TLK1: variants seen among roughly 807,000 people sequenced by gnomAD.
TLK1 encodes the protein serine/threonine-protein kinase tousled-like 1.
In TLK1, 24 loss-of-function variants were observed where a neutral mutation model predicts 105.3. The observed-to-expected ratio is 0.23, with a 90% CI of 0.17 to 0.32. The LOEUF (loss-of-function observed/expected upper bound fraction) is 0.32. Ranked by LOEUF, TLK1 falls within the 10% of genes least tolerant of loss-of-function variation. The probability of loss-of-function intolerance (pLI) is 1.00; values close to 1 mark genes in which losing one functional copy is unlikely to be tolerated. For missense variants in TLK1, 558 were observed against 910.5 expected, an observed-to-expected ratio of 0.61 and a Z score of 4.98; for synonymous variants, 321 against 310.4, an observed-to-expected ratio of 1.03 and a Z score of -0.36.
chr2:171,032,704 A>T (rs1473764042), intron 11 of TLK1, among the ~76,000 whole-genome samples: 2 of 152,196 alleles, frequency 1.3e-5, no homozygotes, highest in Non-Finnish European at 2.9e-5. Flanking sequence ...CTGAATTCAG[A>T]AATAAACCCA....
At chr2:171,186,199 T>C (rs1228035442) in intron 1 of TLK1, among the ~76,000 whole-genome samples, 2 of 152,230 alleles carry the variant, frequency 1.3e-5, no homozygotes, top group Non-Finnish European at 2.9e-5. Flanking sequence ...TTGGATTATT[T>C]TGATAGGAAT....
At chr2:171,058,266 A>G (rs1382190285) in intron 4 of TLK1, 69 bp from the exon 5 acceptor site, 3 of 1,350,122 alleles carry the variant, frequency 2.2e-6, no homozygotes, top group Non-Finnish European at 3.2e-6. Context: ...AAGAGTCCGC[A>G]GGACATCAGC....
intron 1 of TLK1, among the ~76,000 whole-genome samples, chr2:171,200,481 T>C (rs78174863): frequency 0.026 from 4,028 of 152,304 alleles, 170 homozygotes; most frequent in African/African-American, 0.091. Context: ...CGCAATGTAT[T>C]GGGATCCATT....
At position 171,046,318 on chromosome 2, in the gene TLK1, T is replaced by C; in HGVS notation, c.1025A>G (p.Gln342Arg). 6.2e-7 allele frequency: 1 copy of C among 1,612,842 alleles called. No individual in the cohort carries two copies. The highest frequency in any genetic ancestry group is 8.5e-7 in the Non-Finnish European group (1 of 1,179,436). Residue 342 changes from glutamine (Q) to arginine (R), a missense_variant, in exon 11 of 21, where the codon CAA becomes CGA. Transcript: ENST00000431350. Reference protein sequence around the residue: ...VNQQREDIERQRKLLAKRKPP... With the variant: ...VNQQREDIERRRKLLAKRKPP... ...TTTGCGTTTGGCTAGAAGTTTCCTTTGCCTTTCAATATCTTCCCTTTGCTG... is the reference window on the plus strand; with the variant it reads ...TTTGCGTTTGGCTAGAAGTTTCCTTCGCCTTTCAATATCTTCCCTTTGCTG...
chr2:171,010,110 T>A (rs1684836892), intron 14 of TLK1, among the ~76,000 whole-genome samples: 1 of 152,090 alleles, frequency 6.6e-6, no homozygotes, highest in Admixed American at 6.5e-5. Flanking sequence ...GACAATCAGC[T>A]ATGAGGTTCC....
At chr2:171,183,416 G>C (rs1692963743) in intron 1 of TLK1, among the ~76,000 whole-genome samples, 1 of 151,978 alleles carries the variant, frequency 6.6e-6, no homozygotes. Flanking sequence ...AGTGAAAGAG[G>C]TTTAGCTTTC....
At chr2:171,086,518 A>G (rs1032575827) in intron 2 of TLK1, among the ~76,000 whole-genome samples, 1 of 152,024 alleles carries the variant, frequency 6.6e-6, no homozygotes, top group African/African-American at 2.4e-5. Context: ...CCCAGCTACT[A>G]GAGAGTCTGA....
chr2:171,082,005 G>A (rs1416681387), intron 3 of TLK1, among the ~76,000 whole-genome samples: 1 of 148,904 alleles, frequency 6.7e-6, no homozygotes, highest in East Asian at 1.9e-4. Flanking sequence ...AATGGATCAA[G>A]TAGAAATAAG....
Position 171,185,200 on chromosome 2 carries a change from A to G in TLK1, c.-6+45945T>C, listed in dbSNP as rs185886529. On this transcript the variant is annotated intron_variant, in intron 1 of 20. Transcript: ENST00000521943. ...TAAATGTCTTGAATCATCCCTCTCC[A>G]TTTAATCCCCATCCTTACCTCTTTA... Among the ~76,000 whole-genome samples, 6 of 152,108 alleles carry G rather than the reference A, an allele frequency of 3.9e-5. No homozygotes were observed. In the East Asian group the frequency reaches 9.7e-4, roughly 24 times the overall value.
chr2:171,199,282 G>A (rs1393384294), intron 1 of TLK1, among the ~76,000 whole-genome samples: 2 of 152,174 alleles, frequency 1.3e-5, no homozygotes, highest in Non-Finnish European at 2.9e-5. Context: ...AGGCCAAGGT[G>A]AAAGGATTGC....
intron 1 of TLK1, among the ~76,000 whole-genome samples, chr2:171,129,352 C>T (rs1013525789): frequency 1.3e-5 from 2 of 152,158 alleles, no homozygotes; most frequent in African/African-American, 2.4e-5. Flanking sequence ...CTCCACAGTA[C>T]TCCTTCTTGG....
Position 171,051,512 on chromosome 2 carries a change from G to A in TLK1, c.733-1338C>T, listed in dbSNP as rs191510200. On this transcript the variant is annotated intron_variant, in intron 8 of 20. Transcript: ENST00000431350. The stretch of plus-strand genomic sequence containing the variant: ...CTGCTTAGAACACAGATATAATTGT[G>A]ACCCTAATAGATATATTGAACCTTG... Among the ~76,000 whole-genome samples, 242 of 152,196 alleles carry A rather than the reference G, an allele frequency of 1.6e-3. 1 individual carries two copies. The highest frequency in any genetic ancestry group is 2.9e-4 in the Non-Finnish European group (20 of 68,010).
rs190637269 is a variant in TLK1, at chr2:171,188,949, A to G, written c.-6+42196T>C. Among the ~76,000 whole-genome samples, 559 of 152,136 alleles carry G rather than the reference A, an allele frequency of 3.7e-3. 6 individuals are homozygous for G. The highest frequency in any genetic ancestry group is 0.012 in the African/African-American group (517 of 41,540). Reference sequence around the variant, plus strand: ...GATACATTATCCATGGCATACAAAGACATTACAACAGACTCATTTACATCC... The same window carrying G: ...GATACATTATCCATGGCATACAAAGGCATTACAACAGACTCATTTACATCC... On this transcript the variant is annotated intron_variant, in intron 1 of 20. Coordinates refer to the TLK1 transcript ENST00000521943.
intron 2 of TLK1, among the ~76,000 whole-genome samples, chr2:171,097,552 A>G (rs1689501676): frequency 1.3e-5 from 2 of 152,250 alleles, no homozygotes; most frequent in Non-Finnish European, 1.5e-5. Context: ...ATAATGGGAC[A>G]AAATATTTGC....
intron 12 of TLK1, among the ~76,000 whole-genome samples, 171 bp downstream of exon 12, chr2:171,028,168 T>C (rs1164727606): frequency 1.3e-5 from 2 of 152,022 alleles, no homozygotes; most frequent in Non-Finnish European, 2.9e-5. Context: ...AAAATAAAAA[T>C]ACTAATAAAT....
chr2:171,149,557 G>A (rs1176224384), intron 1 of TLK1, among the ~76,000 whole-genome samples: 2 of 152,174 alleles, frequency 1.3e-5, no homozygotes, highest in Non-Finnish European at 2.9e-5. Flanking sequence ...AAGAAAGGAG[G>A]GGGAAGAGCT....
Position 170,996,692 on chromosome 2 carries a change from G to A in TLK1, c.2085C>T (p.Val695=). 1.2e-6 allele frequency: 2 copies of A among 1,613,926 alleles called. No homozygotes were observed. Among genetic ancestry groups the A allele is most frequent in the African/African-American group, 2.7e-5 (2 of 75,006 alleles). ...QENTILKATE[V]QFPVKPVVSS... ...TTACAACCGGTTTTACAGGGAACTG[G>A]ACTTCTGTGGCTTTTAATATTGTAT... The change falls in exon 20 of 21, where the codon GTC becomes GTT. Residue 695 remains valine (V), a synonymous_variant. Transcript: ENST00000431350.
chr2:171,061,028 A>G, intron 4 of TLK1, 53 bp downstream of exon 4: 1 of 1,515,934 alleles, frequency 6.6e-7, no homozygotes, highest in Non-Finnish European at 9.0e-7. Flanking sequence ...AAAAATTAAA[A>G]CAATTAATTT....
chr2:171,007,134 G>C, intron 14 of TLK1, 71 bp from the exon 15 acceptor site: 1 of 1,352,102 alleles, frequency 7.4e-7, no homozygotes, highest in Non-Finnish European at 1.0e-6. Flanking sequence ...TTTTTATTTT[G>C]GTGATAATTT....
Sources: gnomAD v4.1 joint callset for allele counts (sites outside exome capture counted in the v4.1 genomes callset) on GRCh38, gnomAD v4.1.1 for gene constraint, MANE v1.5 for transcripts, NCBI Gene and HGNC (gene_info 2026-07-23, HGNC 2026-07-21) for gene names.